VRK1: variants seen among roughly 807,000 people sequenced by gnomAD.
VRK1 encodes the protein VRK serine/threonine kinase 1, also known as serine/threonine-protein kinase VRK1.
In VRK1, 33 loss-of-function variants were observed where a neutral mutation model predicts 57.1. The ratio of observed to expected loss-of-function variants is 0.58; its 90% CI spans 0.44 to 0.77. VRK1 has a LOEUF of 0.77. Among genes scored for constraint, VRK1 ranks in the 30% least tolerant of loss-of-function variants. VRK1 has a pLI of 0.00. For synonymous variants in VRK1, 137 were observed against 147.8 expected (o/e 0.93, Z 0.53); for missense variants, 413 against 477.3 (o/e 0.87, Z 1.25).
chr14:96,798,856 C>A (rs1252596957), intron 1 of VRK1, among the ~76,000 whole-genome samples: 1 of 152,148 alleles, frequency 6.6e-6, no homozygotes, highest in African/African-American at 2.4e-5. Flanking sequence ...AGATTATGTT[C>A]ATCTGTTACC....
Position 96,803,529 on chromosome 14 carries a change from A to G in VRK1, c.-6+6082A>G, listed in dbSNP as rs760286089. Among the ~76,000 whole-genome samples, 4 of 152,240 alleles carry G rather than the reference A, an allele frequency of 2.6e-5. No individual in the cohort carries two copies. In the East Asian group the frequency reaches 7.7e-4, roughly 29 times the overall value. ...GTTGTTAATCTCTTAACTGGCTCCA[A>G]TTTATAAATTAAGCTTCATCATAAG... On this transcript the variant is annotated intron_variant, in intron 1 of 12. Transcript: ENST00000216639.
In VRK1 at chr14:96,821,179, A is replaced by G. The variant is rs1423821004; in HGVS notation, c.-5-12288A>G. ...GCAGCTTTTTGAGACTAAAGGTTGCATTTCCTTCATCTTTGAATTTCCAGC... is the reference window on the plus strand; with the variant it reads ...GCAGCTTTTTGAGACTAAAGGTTGCGTTTCCTTCATCTTTGAATTTCCAGC... On this transcript the variant is annotated intron_variant, in intron 1 of 12. Transcript: ENST00000216639. 4.6e-5 allele frequency among the ~76,000 whole-genome samples: 7 copies of G among 152,134 alleles called. No homozygotes were observed. In the East Asian group the frequency reaches 1.3e-3, roughly 29 times the overall value.
chr14:96,849,098 AAC>A (rs1887839048), intron 5 of VRK1, among the ~76,000 whole-genome samples: 1 of 152,180 alleles, frequency 6.6e-6, no homozygotes, highest in Admixed American at 6.5e-5. Context: ...TAGAGGAAAG[AAC>A]AGTTTGGAAC....
intron 1 of VRK1, among the ~76,000 whole-genome samples, chr14:96,818,951 T>G (rs1356031956): frequency 1.3e-5 from 2 of 152,252 alleles, no homozygotes; most frequent in East Asian, 3.8e-4. Context: ...AAATGATTTC[T>G]TAGCACTAAT....
chr14:96,808,019 G>GTCTCTCTCTCTCCCTC lies in VRK1; in HGVS notation c.-6+10573_-6+10574insCTCTCTCTCTCCCTCT, dbSNP rs1566683621. Among the ~76,000 whole-genome samples the GTCTCTCTCTCTCCCTC allele has an allele frequency of 4.7e-3, 161 of 34,266 alleles. 1 individual carries two copies. Among genetic ancestry groups the GTCTCTCTCTCTCCCTC allele is most frequent in the African/African-American group, 0.011 (156 of 13,674 alleles). 22.5% of individuals were successfully genotyped at this position (34,266 alleles called of 152,430 possible). On this transcript the variant is annotated intron_variant, in intron 1 of 12. Coordinates refer to ENST00000216639, the MANE Select transcript of VRK1 (RefSeq NM_003384.3). ...CCTCTCTCCCTCTCTCTCTCCCTCT[G>GTCTCTCTCTCTCCCTC]TGTGTGTGTGTGTGTGTGTGTGTGT...
intron 5 of VRK1, among the ~76,000 whole-genome samples, chr14:96,851,393 G>A (rs1887943420): frequency 2.0e-5 from 3 of 152,080 alleles, no homozygotes; most frequent in Non-Finnish European, 4.4e-5. Flanking sequence ...CACCAGCCTT[G>A]GCCTCCCAAA....
chr14:96,830,732 C>G (rs1595658186), intron 1 of VRK1, among the ~76,000 whole-genome samples: 1 of 152,072 alleles, frequency 6.6e-6, no homozygotes. Context: ...CCAGTTTTCC[C>G]TTATATGCAA....
chr14:96,851,329 C>A (rs1416541099), intron 5 of VRK1, among the ~76,000 whole-genome samples: 1 of 151,904 alleles, frequency 6.6e-6, no homozygotes, highest in Middle Eastern at 3.4e-3. Flanking sequence ...TTAGTAGAGA[C>A]GGGGTTTCAC....
At chr14:96,808,385 A>C (rs1015863904) in intron 1 of VRK1, among the ~76,000 whole-genome samples, 1 of 152,272 alleles carries the variant, frequency 6.6e-6, no homozygotes, top group East Asian at 1.9e-4. Flanking sequence ...TGGGTTACCA[A>C]GCTCCATTGA....
intron 5 of VRK1, among the ~76,000 whole-genome samples, chr14:96,852,030 A>T (rs1309222182): frequency 1.3e-5 from 2 of 152,224 alleles, no homozygotes; most frequent in African/African-American, 4.8e-5. Context: ...ACTATTGAAG[A>T]TAAAAGTGGT....
intron 11 of VRK1, among the ~76,000 whole-genome samples, chr14:96,875,682 T>TA (rs1365958915): frequency 1.3e-5 from 2 of 152,214 alleles, no homozygotes; most frequent in Admixed American, 1.3e-4. Context: ...CGTGAGTTTG[T>TA]AAAACATTTT....
chr14:96,843,936 A>G (rs1234869753), intron 3 of VRK1, among the ~76,000 whole-genome samples: 1 of 152,182 alleles, frequency 6.6e-6, no homozygotes, highest in African/African-American at 2.4e-5. Flanking sequence ...TCTCATTATT[A>G]TAGGTTTAAT....
In VRK1 at chr14:96,855,287, AAAG is replaced by A; in HGVS notation, c.645_647del (p.Glu215del). ...CCCAGAAGGAGTTCATAAAGAATAC[AAAG>A]AAGACCCCAAAAGATGTCACGATGG... On this transcript the variant is annotated inframe_deletion, in exon 8 of 13. Transcript: ENST00000216639. 1 of 1,614,124 alleles carries A rather than the reference AAAG, an allele frequency of 6.2e-7. No homozygotes were observed. Among genetic ancestry groups the A allele is most frequent in the Non-Finnish European group, 8.5e-7 (1 of 1,179,974 alleles).
chr14:96,799,400 A>G (rs1351269595), intron 1 of VRK1, among the ~76,000 whole-genome samples: 2 of 152,200 alleles, frequency 1.3e-5, no homozygotes, highest in Non-Finnish European at 2.9e-5. Flanking sequence ...ATGTCTAGAA[A>G]TGAAAAAACA....
chr14:96,876,208 C>A, intron 12 of VRK1, 88 bp downstream of exon 12: 2 of 1,241,812 alleles, frequency 1.6e-6, no homozygotes, highest in South Asian at 2.4e-5. Flanking sequence ...CTATTTGGGT[C>A]ATGACCTTTT....
intron 1 of VRK1, among the ~76,000 whole-genome samples, chr14:96,804,351 AAGAC>A (rs1380377476): frequency 6.6e-6 from 1 of 152,254 alleles, no homozygotes; most frequent in African/African-American, 2.4e-5. Context: ...TATCAAAACA[AAGAC>A]AGGAAGAAAT....
chr14:96,865,148 A>G (rs928382813), intron 11 of VRK1, among the ~76,000 whole-genome samples: 1 of 148,746 alleles, frequency 6.7e-6, no homozygotes, highest in Non-Finnish European at 1.5e-5. Context: ...TATTTTGTCT[A>G]CTTAGGATCA....
chr14:96,876,175 C>G, intron 12 of VRK1, 55 bp downstream of exon 12: 1 of 1,560,612 alleles, frequency 6.4e-7, no homozygotes, highest in Middle Eastern at 1.7e-4. Flanking sequence ...AATTTCATTT[C>G]CTCCCATTAG....
chr14:96,842,773 T>G (rs1012692026), intron 3 of VRK1, among the ~76,000 whole-genome samples: 5 of 152,208 alleles, frequency 3.3e-5, no homozygotes, highest in African/African-American at 9.7e-5. Flanking sequence ...GGTGATTCTT[T>G]TGTGCATCAA....
Sources: gnomAD v4.1 joint callset for allele counts (sites outside exome capture counted in the v4.1 genomes callset) on GRCh38, gnomAD v4.1.1 for gene constraint, MANE v1.5 for transcripts, NCBI Gene and HGNC (gene_info 2026-07-23, HGNC 2026-07-21) for gene names.